CCDC192: variants seen among roughly 807,000 people sequenced by gnomAD.
The protein encoded by CCDC192 is coiled-coil domain containing 192, also known as coiled-coil domain-containing protein 192.
intron 6 of CCDC192, among the ~76,000 whole-genome samples, chr5:127,883,607 C>CTTA (rs1481147192): frequency 3.3e-5 from 5 of 152,230 alleles, no homozygotes; most frequent in Admixed American, 3.3e-4. Context: ...GATTTCAGAA[C>CTTA]TTCCCGCAAG....
chr5:127,788,254 TA>T (rs1756672798), intron 3 of CCDC192, among the ~76,000 whole-genome samples: 3 of 152,212 alleles, frequency 2.0e-5, no homozygotes, highest in African/African-American at 7.2e-5. Flanking sequence ...TTGCCACTTT[TA>T]TCAATATGCA....
chr5:127,902,312 C>T (rs1371432470), intron 6 of CCDC192, among the ~76,000 whole-genome samples: 1 of 151,392 alleles, frequency 6.6e-6, no homozygotes, highest in African/African-American at 2.4e-5. Context: ...AAATAAGAAC[C>T]ACATAATCTA....
intron 5 of CCDC192, among the ~76,000 whole-genome samples, chr5:127,824,493 T>G (rs1219787901): frequency 6.6e-6 from 1 of 152,248 alleles, no homozygotes; most frequent in East Asian, 1.9e-4. Context: ...GGGGTTTATA[T>G]AAATTAAACA....
chr5:127,932,017 G>A lies in CCDC192; in HGVS notation c.536-9165G>A, dbSNP rs540842624. ...TACAAAAAAAAAATTAGCCGGGAGT[G>A]GTGGTGCGCACCTGTAGTCCCACCT... On this transcript the variant is annotated intron_variant, in intron 6 of 6. Transcript: ENST00000514853. Among the ~76,000 whole-genome samples the A allele has an allele frequency of 2.2e-4, 34 of 151,628 alleles. No homozygotes were observed. In the East Asian group the frequency reaches 2.4e-3, roughly 11 times the overall value.
intron 2 of CCDC192, among the ~76,000 whole-genome samples, chr5:127,732,552 A>T (rs987152624): frequency 1.3e-5 from 2 of 152,226 alleles, no homozygotes; most frequent in Non-Finnish European, 2.9e-5. Context: ...GCATATGTTC[A>T]TTGCAGCACT....
chr5:127,919,059 G>A (rs1753623438), intron 6 of CCDC192, among the ~76,000 whole-genome samples: 2 of 142,060 alleles, frequency 1.4e-5, no homozygotes. Context: ...GTGTGTGTAT[G>A]TGTGTGTGTA....
chr5:127,860,180 C>T (rs1014422895), intron 5 of CCDC192, among the ~76,000 whole-genome samples: 2 of 152,126 alleles, frequency 1.3e-5, no homozygotes, highest in Non-Finnish European at 2.9e-5. Flanking sequence ...CTATTTCCCC[C>T]ACAAGACAAA....
chr5:127,724,077 G>A (rs1752173031), intron 2 of CCDC192, among the ~76,000 whole-genome samples: 2 of 152,136 alleles, frequency 1.3e-5, no homozygotes, highest in African/African-American at 2.4e-5. Context: ...ACAGAAAGAT[G>A]ACAAGATAAT....
At chr5:127,785,042 C>T (rs1756458518) in intron 3 of CCDC192, 1 of 489,398 alleles carries the variant, frequency 2.0e-6, no homozygotes, top group Non-Finnish European at 4.1e-6. Flanking sequence ...GCCAAAATGT[C>T]CATTTTAATT....
chr5:127,767,260 G>C (rs1755279029), intron 3 of CCDC192, among the ~76,000 whole-genome samples: 1 of 152,138 alleles, frequency 6.6e-6, no homozygotes. Flanking sequence ...TCCACACAAG[G>C]GTTTCTGGTG....
chr5:127,789,651 G>A (rs1171123284), intron 3 of CCDC192, among the ~76,000 whole-genome samples: 1 of 152,238 alleles, frequency 6.6e-6, no homozygotes, highest in African/African-American at 2.4e-5. Context: ...ACTCCAGCAA[G>A]AACACTGCCA....
chr5:127,729,900 T>C (rs1321584411), intron 2 of CCDC192, among the ~76,000 whole-genome samples: 1 of 152,070 alleles, frequency 6.6e-6, no homozygotes, highest in Non-Finnish European at 1.5e-5. Context: ...CAGCACTAAA[T>C]GCCCACATCA....
At chr5:127,796,950 A>C (rs767389419) in intron 3 of CCDC192, among the ~76,000 whole-genome samples, 153 bp from the exon 4 acceptor site, 24 of 152,208 alleles carry the variant, frequency 1.6e-4, no homozygotes, top group Non-Finnish European at 3.2e-4. Context: ...TTCTTTCTCT[A>C]TGCTAATTTA....
chr5:127,707,657 CAT>C (rs1751050320), intron 1 of CCDC192, 50 bp from the exon 2 acceptor site: 3 of 397,504 alleles, frequency 7.5e-6, no homozygotes, highest in Non-Finnish European at 1.3e-5. Context: ...TGTGTGCGCA[CAT>C]GAGAGCCTGA....
At chr5:127,711,073 A>C (rs1561439844) in intron 2 of CCDC192, among the ~76,000 whole-genome samples, 1 of 152,226 alleles carries the variant, frequency 6.6e-6, no homozygotes, top group Non-Finnish European at 1.5e-5. Context: ...TATTGCAAGA[A>C]GGGTTGGCCA....
chr5:127,908,830 A>C (rs1407661838), intron 6 of CCDC192, among the ~76,000 whole-genome samples: 3 of 152,200 alleles, frequency 2.0e-5, no homozygotes, highest in Non-Finnish European at 4.4e-5. Flanking sequence ...TGAGATTTTT[A>C]AGCTCTATAG....
At chr5:127,757,701 C>T (rs1754676614) in intron 3 of CCDC192, among the ~76,000 whole-genome samples, 1 of 151,268 alleles carries the variant, frequency 6.6e-6, no homozygotes, top group African/African-American at 2.4e-5. Context: ...GTGCCACTGT[C>T]TTCCTTACCA....
At chr5:127,928,958 G>A (rs539408533) in intron 6 of CCDC192, among the ~76,000 whole-genome samples, 2 of 152,024 alleles carry the variant, frequency 1.3e-5, no homozygotes, top group South Asian at 2.1e-4. Context: ...GTAGAAACAC[G>A]GTTTCACCAG....
At chr5:127,729,937 A>G (rs888415747) in intron 2 of CCDC192, among the ~76,000 whole-genome samples, 8 of 152,162 alleles carry the variant, frequency 5.3e-5, no homozygotes, top group Admixed American at 1.3e-4. Flanking sequence ...TCTCAAATCG[A>G]CATCGTAATA....
Sources: allele counts gnomAD v4.1 joint callset (sites outside exome capture counted in the v4.1 genomes callset), GRCh38; gene constraint gnomAD v4.1.1; transcripts MANE v1.5; gene names NCBI Gene and HGNC (gene_info 2026-07-23, HGNC 2026-07-21).